RYR3: variants seen among roughly 807,000 people sequenced by gnomAD.
RYR3 encodes the protein brain ryanodine receptor-calcium release channel.
Under a neutral mutation model 584.3 loss-of-function variants are expected in RYR3, and 207 were observed. That is an observed-to-expected ratio of 0.35 (90% CI 0.32 to 0.40). The LOEUF is 0.40. RYR3 is among the 10% of genes least tolerant of loss of function. The probability of loss-of-function intolerance (pLI) is 1.00; values close to 1 mark genes in which losing one functional copy is unlikely to be tolerated. For synonymous variants in RYR3, 2,416 were observed against 2,248.5 expected (o/e 1.07, Z -2.11); for missense variants, 5,616 against 6,089.2 (o/e 0.92, Z 2.59).
chr15:33,733,884 G>A (rs1384864381), intron 48 of RYR3, among the ~76,000 whole-genome samples: 2 of 152,126 alleles, frequency 1.3e-5, no homozygotes, highest in Admixed American at 6.5e-5. Flanking sequence ...GCTGTGAACC[G>A]AAAACTGCTC....
intron 10 of RYR3, among the ~76,000 whole-genome samples, chr15:33,559,381 A>T (rs1007444699): frequency 6.6e-6 from 1 of 152,142 alleles, no homozygotes; most frequent in Non-Finnish European, 1.5e-5. Context: ...TAGGAAAACA[A>T]AGTTTATTAT....
chr15:33,744,941 A>G (rs148209176), intron 52 of RYR3, among the ~76,000 whole-genome samples: 1 of 152,312 alleles, frequency 6.6e-6, no homozygotes. Context: ...ATTTTTGACT[A>G]TCCCCTGACA....
intron 33 of RYR3, 69 bp from the exon 34 acceptor site, chr15:33,660,128 T>C (rs1468429099): frequency 9.1e-7 from 1 of 1,093,212 alleles, no homozygotes; most frequent in Non-Finnish European, 1.4e-6. Context: ...GCCATATCGG[T>C]TAAAATGTCT....
At chr15:33,335,363 A>T (rs1004658913) in intron 1 of RYR3, among the ~76,000 whole-genome samples, 13 of 152,232 alleles carry the variant, frequency 8.5e-5, no homozygotes, top group African/African-American at 3.1e-4. Flanking sequence ...AAAGAATGAG[A>T]TCATGTTCTT....
chr15:33,332,307 T>C (rs762155786), intron 1 of RYR3, among the ~76,000 whole-genome samples: 1 of 152,102 alleles, frequency 6.6e-6, no homozygotes, highest in Non-Finnish European at 1.5e-5. Flanking sequence ...AAATGTTTAA[T>C]TGGCATGCGT....
At position 33,696,510 on chromosome 15, in the gene RYR3, C is replaced by T. The variant is rs750735778; in HGVS notation, c.6134+19C>T. 29 of 1,612,518 alleles carry T rather than the reference C, an allele frequency of 1.8e-5. No homozygotes were observed. Among genetic ancestry groups the T allele is most frequent in the Middle Eastern group, 1.6e-4 (1 of 6,078 alleles). ...GGCTGGGGTAGGTGATTCACGGTTA[C>T]GTGCTGTTCTCTCTAGGAGCTTTAA... On this transcript the variant is annotated intron_variant, in intron 39 of 103. Transcript: ENST00000634891.
intron 3 of RYR3, among the ~76,000 whole-genome samples, chr15:33,507,559 A>G (rs2052586925): frequency 6.6e-6 from 1 of 152,134 alleles, no homozygotes; most frequent in African/African-American, 2.4e-5. Flanking sequence ...ATATTAGAGT[A>G]TTTTCACATT....
At chr15:33,472,529 T>C (rs2049013430) in intron 1 of RYR3, among the ~76,000 whole-genome samples, 1 of 152,130 alleles carries the variant, frequency 6.6e-6, no homozygotes, top group African/African-American at 2.4e-5. Context: ...TAACCACACC[T>C]GGAAATCTGT....
chr15:33,755,591 TGG>T (rs962376965), intron 58 of RYR3, among the ~76,000 whole-genome samples: 2 of 152,098 alleles, frequency 1.3e-5, no homozygotes, highest in Non-Finnish European at 2.9e-5. Flanking sequence ...CACTCCAGCC[TGG>T]GGACAGAGTA....
intron 70 of RYR3, among the ~76,000 whole-genome samples, chr15:33,809,314 T>C (rs72715183): frequency 0.034 from 5,182 of 152,282 alleles, 133 homozygotes; most frequent in Non-Finnish European, 0.053. Context: ...TGGTACCTCA[T>C]AGCGTAAAGC....
At chr15:33,372,406 C>T (rs746653606) in intron 1 of RYR3, among the ~76,000 whole-genome samples, 3 of 147,670 alleles carry the variant, frequency 2.0e-5, no homozygotes, top group Non-Finnish European at 4.5e-5. Context: ...TCACTGTCTC[C>T]CAGGCTGGAG....
At chr15:33,354,180 A>G (rs899487965) in intron 1 of RYR3, among the ~76,000 whole-genome samples, 26 of 152,344 alleles carry the variant, frequency 1.7e-4, no homozygotes, top group African/African-American at 5.8e-4. Context: ...GGTGGCATCT[A>G]TGAGAATTCC....
intron 1 of RYR3, among the ~76,000 whole-genome samples, chr15:33,398,019 G>A (rs1394328632): frequency 1.3e-5 from 2 of 152,090 alleles, no homozygotes; most frequent in East Asian, 1.9e-4. Flanking sequence ...AATATCACAA[G>A]CCTGGTATGC....
intron 1 of RYR3, among the ~76,000 whole-genome samples, chr15:33,389,018 A>G (rs565246785): frequency 1.4e-5 from 2 of 143,982 alleles, no homozygotes; most frequent in Non-Finnish European, 1.5e-5. Flanking sequence ...CGCATGTTTA[A>G]TTGAACAATG....
intron 67 of RYR3, among the ~76,000 whole-genome samples, chr15:33,789,420 A>G (rs1289146786): frequency 2.0e-5 from 3 of 151,186 alleles, no homozygotes; most frequent in Non-Finnish European, 4.4e-5. Flanking sequence ...TGATCCATAG[A>G]AACTGAAAGT....
Position 33,379,683 on chromosome 15 carries a change from C to A in RYR3, c.51+68587C>A, listed in dbSNP as rs1239868543. Among the ~76,000 whole-genome samples the A allele has an allele frequency of 1.6e-3, 183 of 116,926 alleles. 1 individual carries two copies. The highest frequency in any genetic ancestry group is 4.8e-3 in the South Asian group (19 of 3,968). 76.7% of individuals were successfully genotyped at this position (116,926 alleles called of 152,430 possible). On this transcript the variant is annotated intron_variant, in intron 1 of 103. Transcript: ENST00000634891. Reference sequence around the variant, plus strand: ...TGTGTGTCCCTCTCTCTCTCTCTCTCTCTCTATATATATATATATATATAT... The same window carrying A: ...TGTGTGTCCCTCTCTCTCTCTCTCTATCTCTATATATATATATATATATAT...
intron 1 of RYR3, among the ~76,000 whole-genome samples, chr15:33,372,358 A>ATTTTTTT (rs59663566): frequency 2.6e-5 from 2 of 75,550 alleles, no homozygotes; most frequent in Non-Finnish European, 4.7e-5. Flanking sequence ...TGCCCGGCTA[A>ATTTTTTT]TTTTTTTTTT....
chr15:33,502,360 G>GTTTA (rs1217319944), intron 2 of RYR3, among the ~76,000 whole-genome samples: 1 of 152,176 alleles, frequency 6.6e-6, no homozygotes, highest in African/African-American at 2.4e-5. Context: ...AACAGACTTG[G>GTTTA]TTTAGCTTTT....
At chr15:33,695,696 T>A (rs2065794448) in intron 38 of RYR3, among the ~76,000 whole-genome samples, 1 of 152,142 alleles carries the variant, frequency 6.6e-6, no homozygotes, top group Non-Finnish European at 1.5e-5. Context: ...ATAATTGGGA[T>A]ATTCTTTTAT....
Sources: gnomAD v4.1 joint callset for allele counts (sites outside exome capture counted in the v4.1 genomes callset) on GRCh38, gnomAD v4.1.1 for gene constraint, MANE v1.5 for transcripts, NCBI Gene and HGNC (gene_info 2026-07-23, HGNC 2026-07-21) for gene names.